The following DYSF variants were observed in gnomAD, a reference collection of about 807,000 sequenced individuals.
The protein encoded by DYSF is dysferlin.
Under a neutral mutation model 274.9 loss-of-function variants are expected in DYSF, and 212 were observed. That is an observed-to-expected ratio of 0.77 (90% confidence interval 0.69 to 0.86). The LOEUF is 0.86. DYSF is among the 40% of genes least tolerant of loss of function. DYSF has a pLI of 0.00. For synonymous variants in DYSF, 1,091 were observed against 1,078.7 expected (o/e 1.01, Z -0.22); for missense variants, 2,666 against 2,783.2 (o/e 0.96, Z 0.95).
chr2:71,669,525 C>T (rs2095081590), intron 50 of DYSF, 80 bp from the exon 51 acceptor site: 3 of 1,569,670 alleles, frequency 1.9e-6, no homozygotes, highest in Admixed American at 3.3e-5. Flanking sequence ...TTCTTAACTC[C>T]TTGTCTGCCT....
rs1446214240 is a variant in DYSF, at chr2:71,551,634, C to CTTG, written c.1722_1723insGTT (p.Leu574_Leu575insVal). 4.4e-6 allele frequency: 7 copies of CTTG among 1,609,044 alleles called. No individual in the cohort carries two copies. The highest frequency in any genetic ancestry group is 5.9e-6 in the Non-Finnish European group (7 of 1,178,894). On this transcript the variant is annotated inframe_insertion, in exon 19 of 56. Coordinates refer to ENST00000410020, the MANE Select transcript of DYSF (RefSeq NM_001130987.2). Reference sequence around the variant, plus strand: ...GGAAGGTGTGGCTTATCGTGGCCGGCTTCTGCTCTCCCTGGAGACCAAGCT... The same window carrying CTTG: ...GGAAGGTGTGGCTTATCGTGGCCGGCTTGTTCTGCTCTCCCTGGAGACCAAGCT...
chr2:71,585,693 C>G (rs2093042655), intron 30 of DYSF, among the ~76,000 whole-genome samples: 1 of 152,152 alleles, frequency 6.6e-6, no homozygotes, highest in Non-Finnish European at 1.5e-5. Context: ...GCCCATTGTT[C>G]GTGAGTTCAC....
chr2:71,574,604 T>G (rs1298600615), intron 30 of DYSF, among the ~76,000 whole-genome samples: 1 of 152,210 alleles, frequency 6.6e-6, no homozygotes, highest in Non-Finnish European at 1.5e-5. Flanking sequence ...CACTTGCTGC[T>G]ACTACTTTGA....
At chr2:71,598,858 G>A (rs1382749562) in intron 33 of DYSF, 113 bp downstream of exon 33, 13 of 1,240,132 alleles carry the variant, frequency 1.0e-5, no homozygotes, top group South Asian at 5.0e-5. Flanking sequence ...CTAACTCCAC[G>A]GGCCCTAGAA....
intron 4 of DYSF, among the ~76,000 whole-genome samples, chr2:71,506,988 C>T (rs577458680): frequency 1.4e-4 from 22 of 152,104 alleles, no homozygotes; most frequent in Admixed American, 4.6e-4. Context: ...GTGGAGCTGT[C>T]GGTGTAGAAA....
At chr2:71,525,261 G>A (rs2087735382) in intron 12 of DYSF, among the ~76,000 whole-genome samples, 1 of 152,078 alleles carries the variant, frequency 6.6e-6, no homozygotes, top group Non-Finnish European at 1.5e-5. Flanking sequence ...GTCTCACTTT[G>A]TTGCCCAGGC....
At chr2:71,660,768 T>G in intron 45 of DYSF, 117 bp downstream of exon 45, 1 of 882,640 alleles carries the variant, frequency 1.1e-6, no homozygotes. Context: ...AAAACTGTAT[T>G]CCTTAAATCT....
Position 71,503,304 on chromosome 2 carries a change from G to A in DYSF, c.330G>A (p.Lys110=), listed in dbSNP as rs1573565747. The change falls in exon 4 of 56, where the codon AAG becomes AAA. Residue 110 remains lysine (K), a synonymous_variant. Transcript: ENST00000410020. The part of the protein sequence containing the change: ...ASFNAPLLDT[K]KQPTGASLVL... ...TCAATGCCCCCCTGCTGGACACCAAGAAGCAGCCCACAGGGGTAAGTGCCC... is the reference window on the plus strand; with the variant it reads ...TCAATGCCCCCCTGCTGGACACCAAAAAGCAGCCCACAGGGGTAAGTGCCC... 6.2e-7 allele frequency: 1 copy of A among 1,614,156 alleles called. No individual in the cohort carries two copies. The highest frequency in any genetic ancestry group is 8.5e-7 in the Non-Finnish European group (1 of 1,180,000).
In DYSF at chr2:71,550,040, A is replaced by G. The variant is rs1241680087; in HGVS notation, c.1577-1001A>G. Reference sequence around the variant, plus strand: ...TGGGCAGGGGCTCGACTCACAGTGCATGACCTTAGGTCTAGCTCAAACGCT... The same window carrying G: ...TGGGCAGGGGCTCGACTCACAGTGCGTGACCTTAGGTCTAGCTCAAACGCT... On this transcript the variant is annotated intron_variant, in intron 17 of 55. Coordinates refer to ENST00000410020, the MANE Select transcript of DYSF (RefSeq NM_001130987.2). 3.3e-5 allele frequency among the ~76,000 whole-genome samples: 5 copies of G among 152,338 alleles called. No homozygotes were observed. In the East Asian group the frequency reaches 5.8e-4, roughly 18 times the overall value.
intron 3 of DYSF, among the ~76,000 whole-genome samples, chr2:71,501,799 T>C (rs988360030): frequency 5.3e-5 from 8 of 152,226 alleles, no homozygotes; most frequent in African/African-American, 1.7e-4. Context: ...TGTGCCTCTG[T>C]TGATGGAGAC....
intron 14 of DYSF, among the ~76,000 whole-genome samples, chr2:71,532,782 T>A (rs1179937590): frequency 2.0e-5 from 3 of 152,226 alleles, no homozygotes; most frequent in African/African-American, 4.8e-5. Context: ...TAAAGTATCT[T>A]ATTTTAAAAT....
At chr2:71,624,364 T>G (rs1448034043) in intron 41 of DYSF, among the ~76,000 whole-genome samples, 2 of 152,304 alleles carry the variant, frequency 1.3e-5, no homozygotes, top group African/African-American at 2.4e-5. Flanking sequence ...GAGTTAGGTT[T>G]GCTACTACTT....
At chr2:71,649,137 C>CAAAAAAA (rs376775027) in intron 42 of DYSF, among the ~76,000 whole-genome samples, 1 of 89,736 alleles carries the variant, frequency 1.1e-5, no homozygotes, top group Non-Finnish European at 2.1e-5. Flanking sequence ...ACTTTGTCTC[C>CAAAAAAA]AAAAAAAAAA....
rs994242772 is a variant in DYSF, at chr2:71,542,393, A to G, written c.1576+3154A>G. ...TCAAGCCTTCTTTTTTTTTTTTTTT[A>G]TTGATCATTCTTGGGTGTTTCTCGC... On this transcript the variant is annotated intron_variant, in intron 17 of 55. Transcript: ENST00000410020. Among the ~76,000 whole-genome samples, 276 of 81,562 alleles carry G rather than the reference A, an allele frequency of 3.4e-3. 1 individual carries two copies. The highest frequency in any genetic ancestry group is 0.012 in the African/African-American group (240 of 20,704). 53.5% of individuals were successfully genotyped at this position (81,562 alleles called of 152,430 possible). A position where few individuals can be genotyped will look rare whatever the true frequency, so the allele number is the denominator to read the frequency against.
chr2:71,591,212 A>G (rs1330995852), intron 32 of DYSF, among the ~76,000 whole-genome samples: 1 of 152,190 alleles, frequency 6.6e-6, no homozygotes, highest in Admixed American at 6.5e-5. Context: ...CCTATTTCTA[A>G]CCAGCAAACT....
chr2:71,495,999 G>A (rs1045499191), intron 3 of DYSF, among the ~76,000 whole-genome samples: 1 of 151,848 alleles, frequency 6.6e-6, no homozygotes, highest in Non-Finnish European at 1.5e-5. Flanking sequence ...CAGCTACCGT[G>A]ATGCAGAGCT....
intron 45 of DYSF, 28 bp downstream of exon 45, chr2:71,660,679 G>GT: frequency 6.3e-7 from 1 of 1,593,624 alleles, no homozygotes; most frequent in Non-Finnish European, 8.6e-7. Context: ...GGGTCTTGGG[G>GT]TGGAGGAGCC....
intron 3 of DYSF, among the ~76,000 whole-genome samples, chr2:71,491,528 G>C (rs2083855573): frequency 6.6e-6 from 1 of 152,170 alleles, no homozygotes; most frequent in Admixed American, 6.5e-5. Context: ...TTAAGCCTAG[G>C]ACCCATTGGT....
In DYSF at chr2:71,682,553, G is replaced by A; in HGVS notation, c.6197G>A (p.Trp2066Ter). The change falls in exon 55 of 56, where the codon TGG becomes TAG. Residue 2066 changes from tryptophan to a stop codon, truncating the protein, a stop_gained. Transcript: ENST00000410020. LOFTEE classifies it high-confidence loss of function. ...AGGCGCCCCGACACCTCCTTCCTGT[G>A]GTTTACCTCCCCATACAAGACCATG... ...DPRRPDTSFL[W>*]FTSPYKTMKF... 11 of 1,614,092 alleles carry A rather than the reference G, an allele frequency of 6.8e-6. No homozygotes were observed. The highest frequency in any genetic ancestry group is 8.5e-6 in the Non-Finnish European group (10 of 1,180,012).
Sources: allele counts gnomAD v4.1 joint callset (sites outside exome capture counted in the v4.1 genomes callset), GRCh38; gene constraint gnomAD v4.1.1; transcripts MANE v1.5; gene names NCBI Gene and HGNC (gene_info 2026-07-23, HGNC 2026-07-21).